TCERG1L: variants seen among roughly 807,000 people sequenced by gnomAD.
TCERG1L encodes transcription elongation regulator 1-like protein.
In TCERG1L, 37 loss-of-function variants were observed where a neutral mutation model predicts 56.3. That is an observed-to-expected ratio of 0.66 (90% CI 0.51 to 0.87). TCERG1L has a LOEUF of 0.87. TCERG1L is among the 40% of genes least tolerant of loss of function. The pLI is 0.00. For missense variants in TCERG1L, 799 were observed against 774.2 expected (o/e 1.03, Z -0.38); for synonymous variants, 324 against 326.3 (o/e 0.99, Z 0.08).
chr10:131,142,192 C>T (rs975243497), intron 7 of TCERG1L, among the ~76,000 whole-genome samples: 8 of 152,252 alleles, frequency 5.3e-5, no homozygotes, highest in African/African-American at 1.4e-4. Context: ...GCCAGGATTT[C>T]TCCCAGAGAG....
At chr10:131,122,355 G>A (rs1845522591) in intron 8 of TCERG1L, among the ~76,000 whole-genome samples, 1 of 152,224 alleles carries the variant, frequency 6.6e-6, no homozygotes, top group South Asian at 2.1e-4. Flanking sequence ...AGATTAGAGA[G>A]TTGGAATGTC....
intron 3 of TCERG1L, among the ~76,000 whole-genome samples, chr10:131,299,830 C>T (rs900419258): frequency 6.6e-6 from 1 of 152,112 alleles, no homozygotes. Context: ...TCCTTCCTTA[C>T]ATTCTTTGTG....
chr10:131,171,696 G>A (rs901647917), intron 4 of TCERG1L, among the ~76,000 whole-genome samples: 7 of 152,228 alleles, frequency 4.6e-5, no homozygotes, highest in African/African-American at 7.2e-5. Context: ...TCAGCCTCCC[G>A]AGCAGCTGAG....
chr10:131,179,515 G>A (rs949024271), intron 4 of TCERG1L, among the ~76,000 whole-genome samples: 1 of 151,970 alleles, frequency 6.6e-6, no homozygotes, highest in African/African-American at 2.4e-5. Flanking sequence ...GTCCACCCTC[G>A]GGCACCACCT....
intron 4 of TCERG1L, among the ~76,000 whole-genome samples, chr10:131,177,144 A>G (rs1427738805): frequency 4.9e-5 from 7 of 144,010 alleles, no homozygotes; most frequent in Admixed American, 1.4e-4. Flanking sequence ...ACACACACAG[A>G]CACGTGTACA....
Position 131,206,996 on chromosome 10 carries a change from C to T in TCERG1L, c.857-40111G>A, listed in dbSNP as rs139633015. ...TCAAATAGGCCTTTCTTGGCGTCCC[C>T]GTGGCTGGTCCCCTCCATCAGTTCC... On this transcript the variant is annotated intron_variant, in intron 4 of 11. Transcript: ENST00000368642. Among the ~76,000 whole-genome samples, 98 of 152,344 alleles carry T rather than the reference C, an allele frequency of 6.4e-4. 1 individual carries two copies. The highest frequency in any genetic ancestry group is 1.5e-3 in the African/African-American group (62 of 41,580).
chr10:131,282,091 ACG>A lies in TCERG1L; in HGVS notation c.671-21649_671-21648del, dbSNP rs1564833081. On this transcript the variant is annotated intron_variant, in intron 3 of 11. Coordinates refer to ENST00000368642, the MANE Select transcript of TCERG1L (RefSeq NM_174937.4). ...GCGGAGCTTGCAGTGAGCGGAGATC[ACG>A]CCACTGCAGTCTGGCCTGGGCGAAA... Among the ~76,000 whole-genome samples the A allele has an allele frequency of 4.7e-4, 69 of 148,190 alleles. No individual in the cohort carries two copies. In the East Asian group the frequency reaches 9.3e-3, roughly 20 times the overall value.
At chr10:131,309,740 C>G (rs1032078425) in intron 1 of TCERG1L, among the ~76,000 whole-genome samples, 4 of 131,624 alleles carry the variant, frequency 3.0e-5, no homozygotes, top group Admixed American at 8.7e-5. Context: ...TGTCGTTTTA[C>G]AAATAACTAA....
chr10:131,309,634 T>G (rs1164603100), intron 1 of TCERG1L, among the ~76,000 whole-genome samples: 1 of 152,014 alleles, frequency 6.6e-6, no homozygotes, highest in African/African-American at 2.4e-5. Context: ...AAATGCTGGG[T>G]ATTCCTTTTC....
chr10:131,307,645 T>C (rs1023751074), intron 3 of TCERG1L, among the ~76,000 whole-genome samples: 2 of 152,220 alleles, frequency 1.3e-5, no homozygotes, highest in African/African-American at 4.8e-5. Context: ...TATTATACAA[T>C]CTTTCATCTA....
intron 7 of TCERG1L, among the ~76,000 whole-genome samples, chr10:131,134,955 C>T (rs776043266): frequency 9.2e-5 from 14 of 152,160 alleles, no homozygotes; most frequent in Non-Finnish European, 1.6e-4. Context: ...TCACTATGGA[C>T]GCCCATCTAC....
chr10:131,100,246 T>G (rs57754447), intron 10 of TCERG1L, among the ~76,000 whole-genome samples: 5,548 of 152,322 alleles, frequency 0.036, 138 homozygotes, highest in African/African-American at 0.075. Context: ...AAAAAATTAA[T>G]GCAGGGTTAT....
At chr10:131,127,937 G>A (rs560265560) in intron 8 of TCERG1L, among the ~76,000 whole-genome samples, 2 of 152,232 alleles carry the variant, frequency 1.3e-5, no homozygotes, top group African/African-American at 4.8e-5. Flanking sequence ...ACACCCCCAG[G>A]TGGCAGAGGA....
At chr10:131,232,015 G>A (rs983591118) in intron 4 of TCERG1L, among the ~76,000 whole-genome samples, 1 of 152,166 alleles carries the variant, frequency 6.6e-6, no homozygotes, top group Non-Finnish European at 1.5e-5. Context: ...CATCCCCCAG[G>A]CCAAAGCTTT....
chr10:131,211,358 A>G (rs535520137), intron 4 of TCERG1L, among the ~76,000 whole-genome samples: 1 of 152,338 alleles, frequency 6.6e-6, no homozygotes, highest in South Asian at 2.1e-4. Flanking sequence ...TGGGCCCCTG[A>G]GCACGGGGCT....
Position 131,309,164 on chromosome 10 carries a change from G to T in TCERG1L, c.478C>A (p.Pro160Thr). The change falls in exon 2 of 12, where the codon CCT (proline) becomes ACT (threonine). Residue 160 changes from proline to threonine, a missense_variant. Physicochemically the swap from Pro to Thr is conservative, Grantham distance 38 (BLOSUM62 -1). Transcript: ENST00000368642. ...ACTTGCGTTTTTACCTTACAGTTAG[G>T]AATCCTTTTGTCTATCCAACTTTTC... is the stretch of plus-strand genomic sequence containing the variant. ...IGKSWIDKRI[P>T]NCKIFFNNSF... 1 of 1,608,780 alleles carries T rather than the reference G, an allele frequency of 6.2e-7. No homozygotes were observed. The highest frequency in any genetic ancestry group is 8.5e-7 in the Non-Finnish European group (1 of 1,178,002).
In TCERG1L at chr10:131,199,126, C is replaced by T. The variant is rs1445723976; in HGVS notation, c.857-32241G>A. ...CTGGGCCTGTGAAGGACTTGGCAGC[C>T]CCAGGCTCTCTGAAATGCCTGCAGG... On this transcript the variant is annotated intron_variant, in intron 4 of 11. Transcript: ENST00000368642. Among the ~76,000 whole-genome samples the T allele has an allele frequency of 3.9e-5, 6 of 152,304 alleles. No homozygotes were observed. The East Asian group carries it at 1.2e-3, about 29-fold the overall frequency.
chr10:131,248,709 T>A (rs1180775330), intron 4 of TCERG1L, among the ~76,000 whole-genome samples: 1 of 152,164 alleles, frequency 6.6e-6, no homozygotes, highest in African/African-American at 2.4e-5. Context: ...GGGAAAAACA[T>A]AGCTTTGCTC....
intron 4 of TCERG1L, among the ~76,000 whole-genome samples, chr10:131,189,874 A>G (rs1377724625): frequency 6.6e-6 from 1 of 152,220 alleles, no homozygotes; most frequent in Non-Finnish European, 1.5e-5. Context: ...AGCCACTCCG[A>G]AACAAGAACA....
Sources: gnomAD v4.1 joint callset for allele counts (sites outside exome capture counted in the v4.1 genomes callset) on GRCh38, gnomAD v4.1.1 for gene constraint, MANE v1.5 for transcripts, NCBI Gene and HGNC (gene_info 2026-07-23, HGNC 2026-07-21) for gene names.